Variants in RANBP17 observed in about 807,000 individuals in gnomAD.
RANBP17 encodes the protein RAN binding protein 17, also known as ran-binding protein 17.
Under a neutral mutation model 141.2 loss-of-function variants are expected in RANBP17, and 158 were observed. That is an observed-to-expected ratio of 1.12 (90% CI 0.98 to 1.28). The LOEUF is 1.28. Among genes scored for constraint, RANBP17 ranks in the 50% most tolerant of loss-of-function variants. The probability of loss-of-function intolerance (pLI) is 0.00; values close to 1 mark genes in which losing one functional copy is unlikely to be tolerated. For missense variants in RANBP17, 1,438 were observed against 1,290.7 expected (o/e 1.11, Z -1.75); for synonymous variants, 430 against 450.0 (o/e 0.96, Z 0.56).
chr5:170,952,672 A>AATT (rs1775299843), intron 12 of RANBP17, among the ~76,000 whole-genome samples: 1 of 152,068 alleles, frequency 6.6e-6, no homozygotes, highest in Non-Finnish European at 1.5e-5. Context: ...TTTACTTGAA[A>AATT]GCGTTTCTTA....
intron 6 of RANBP17, chr5:170,910,758 G>A: frequency 2.0e-6 from 1 of 504,414 alleles, no homozygotes; most frequent in Non-Finnish European, 3.5e-6. Flanking sequence ...AGTTCTGATT[G>A]CCTTTATTAG....
intron 12 of RANBP17, among the ~76,000 whole-genome samples, chr5:170,939,633 A>C (rs1328666728): frequency 6.6e-6 from 1 of 151,974 alleles, no homozygotes; most frequent in South Asian, 2.1e-4. Context: ...TGATCTGCCC[A>C]CCTCGGCCTC....
At chr5:170,958,036 G>A (rs1031209254) in intron 13 of RANBP17, among the ~76,000 whole-genome samples, 1 of 151,902 alleles carries the variant, frequency 6.6e-6, no homozygotes, top group Non-Finnish European at 1.5e-5. Flanking sequence ...ACTATGTAAG[G>A]TGGTGTATTA....
intron 24 of RANBP17, among the ~76,000 whole-genome samples, chr5:171,254,029 C>T (rs1452147228): frequency 4.6e-5 from 7 of 152,062 alleles, no homozygotes; most frequent in Admixed American, 6.5e-5. Context: ...GGGTGGATCA[C>T]GAGGTCAGGA....
intron 12 of RANBP17, among the ~76,000 whole-genome samples, chr5:170,943,860 C>G (rs995233508): frequency 5.9e-5 from 9 of 152,068 alleles, no homozygotes; most frequent in African/African-American, 2.2e-4. Flanking sequence ...CCATAGTTAC[C>G]ATTTTTAAAA....
Position 171,240,962 on chromosome 5 carries a change from A to G in RANBP17, c.2457A>G (p.Lys819=). ...TCCTGTCCCTTGGGAGCCTCTCAAA[A>G]GATCAGATTTATCCAATGAAACTCA... ...NQILSLGSLS[K]DQIYPMKLKG... Residue 819 remains lysine, a synonymous_variant, in exon 23 of 28, where the codon AAA becomes AAG. Coordinates refer to ENST00000523189, the MANE Select transcript of RANBP17 (RefSeq NM_022897.5). 1 of 1,613,856 alleles carries G rather than the reference A, an allele frequency of 6.2e-7. No homozygotes were observed. The highest frequency in any genetic ancestry group is 8.5e-7 in the Non-Finnish European group (1 of 1,179,812).
At chr5:171,176,958 T>A (rs1760524272) in intron 16 of RANBP17, among the ~76,000 whole-genome samples, 1 of 152,172 alleles carries the variant, frequency 6.6e-6, no homozygotes, top group Admixed American at 6.5e-5. Flanking sequence ...AAATTGTTTA[T>A]GTCTGTTACA....
intron 24 of RANBP17, among the ~76,000 whole-genome samples, chr5:171,260,391 C>G (rs910739954): frequency 1.3e-5 from 2 of 150,062 alleles, no homozygotes; most frequent in Non-Finnish European, 3.0e-5. Flanking sequence ...TAGCTTGAAC[C>G]CAGGAGGCGG....
At chr5:170,971,424 T>C (rs1776979175) in intron 14 of RANBP17, among the ~76,000 whole-genome samples, 1 of 152,200 alleles carries the variant, frequency 6.6e-6, no homozygotes, top group Admixed American at 6.5e-5. Flanking sequence ...GACATGGAAA[T>C]TGAGGTTTAG....
At chr5:171,057,597 GTGATTA>G (rs1561601154) in intron 14 of RANBP17, among the ~76,000 whole-genome samples, 1 of 152,064 alleles carries the variant, frequency 6.6e-6, no homozygotes, top group Non-Finnish European at 1.5e-5. Flanking sequence ...GAATAACTTT[GTGATTA>G]TGTATTTATT....
chr5:171,061,140 G>GT (rs1259241402), intron 14 of RANBP17, among the ~76,000 whole-genome samples: 1 of 152,030 alleles, frequency 6.6e-6, no homozygotes, highest in East Asian at 1.9e-4. Flanking sequence ...TTTTGGAAGG[G>GT]TTTTTTGTGT....
At chr5:171,071,157 A>C (rs1361784284) in intron 14 of RANBP17, among the ~76,000 whole-genome samples, 4 of 152,040 alleles carry the variant, frequency 2.6e-5, no homozygotes, top group Admixed American at 2.6e-4. Flanking sequence ...TAACCTCGCC[A>C]TTTTTAACCC....
intron 14 of RANBP17, among the ~76,000 whole-genome samples, chr5:170,977,939 G>GA (rs1177092368): frequency 1.3e-5 from 2 of 151,902 alleles, no homozygotes; most frequent in Admixed American, 1.3e-4. Flanking sequence ...CATATCCATA[G>GA]AAAAAAACAC....
intron 25 of RANBP17, 75 bp downstream of exon 25, chr5:171,265,922 G>C: frequency 4.3e-6 from 6 of 1,380,380 alleles, no homozygotes; most frequent in Non-Finnish European, 6.0e-6. Context: ...ATTTATCTTA[G>C]AGCAGCTGGT....
rs764414895 is a variant in RANBP17 at position 170,968,257 on chromosome 5, A to G, written c.1590A>G (p.Ile530Met). 1 of 1,578,054 alleles carries G rather than the reference A, an allele frequency of 6.3e-7. No homozygotes were observed. The highest frequency in any genetic ancestry group is 1.2e-5 in the South Asian group (1 of 83,822). ...GELSCRVFQL[I>M]SLMDTGLPRC... Reference sequence around the variant, plus strand: ...CTTCATGAAGAGTTTTTCAGCTTATATCTTTAATGGATACCGGATTGCCTC... The same window carrying G: ...CTTCATGAAGAGTTTTTCAGCTTATGTCTTTAATGGATACCGGATTGCCTC... Residue 530 changes from isoleucine to methionine, a missense_variant, in exon 14 of 28, where the codon ATA (isoleucine) becomes ATG (methionine). Ile to Met is a conservative substitution (Grantham distance 10). Coordinates refer to ENST00000523189, the MANE Select transcript of RANBP17 (RefSeq NM_022897.5).
intron 25 of RANBP17, among the ~76,000 whole-genome samples, chr5:171,267,816 GA>G (rs1318494272): frequency 6.6e-6 from 1 of 151,796 alleles, no homozygotes; most frequent in East Asian, 1.9e-4. Context: ...AAAAGAAAAA[GA>G]AAAAGAAAAT....
At chr5:171,019,537 T>C (rs1242791926) in intron 14 of RANBP17, among the ~76,000 whole-genome samples, 1 of 152,200 alleles carries the variant, frequency 6.6e-6, no homozygotes, top group Non-Finnish European at 1.5e-5. Flanking sequence ...TTTTCTAGTT[T>C]ATTTGCATAG....
chr5:171,090,060 C>T (rs1166541308), intron 14 of RANBP17, among the ~76,000 whole-genome samples: 3 of 152,030 alleles, frequency 2.0e-5, no homozygotes, highest in African/African-American at 4.8e-5. Context: ...AAAAGAGACC[C>T]GAAAATATGG....
intron 14 of RANBP17, among the ~76,000 whole-genome samples, chr5:170,979,397 G>C (rs1413990152): frequency 1.3e-5 from 2 of 152,126 alleles, no homozygotes; most frequent in African/African-American, 4.8e-5. Flanking sequence ...CTGTCCCCTT[G>C]CAACTGTATC....
Sources: gnomAD v4.1 joint callset for allele counts (sites outside exome capture counted in the v4.1 genomes callset) on GRCh38, gnomAD v4.1.1 for gene constraint, MANE v1.5 for transcripts, NCBI Gene and HGNC (gene_info 2026-07-23, HGNC 2026-07-21) for gene names.